SLC41A3: variants seen among roughly 807,000 people sequenced by gnomAD.
The protein encoded by SLC41A3 is solute carrier family 41 member 3, also known as SLC41A1-like 2.
SLC41A3 carries 44 observed loss-of-function variants against 45.4 expected under a neutral mutation model. That is an observed-to-expected ratio of 0.97 (90% CI 0.76 to 1.25). The LOEUF is 1.25. Among genes scored for constraint, SLC41A3 ranks in the 50% most tolerant of loss-of-function variants. The pLI, the probability that SLC41A3 is intolerant of heterozygous loss-of-function variation, is 0.00. For missense variants in SLC41A3, 550 were observed against 600.6 expected (o/e 0.92, Z 0.88); for synonymous variants, 256 against 252.4 (o/e 1.01, Z -0.13).
intron 1 of SLC41A3, among the ~76,000 whole-genome samples, chr3:126,097,712 T>A (rs1945631292): frequency 6.6e-6 from 1 of 152,020 alleles, no homozygotes; most frequent in Admixed American, 6.6e-5. Flanking sequence ...GCATGAAAAA[T>A]AAACTGGCAA....
intron 3 of SLC41A3, among the ~76,000 whole-genome samples, chr3:126,041,405 T>C (rs1942585340): frequency 1.3e-5 from 2 of 152,190 alleles, no homozygotes; most frequent in Non-Finnish European, 2.9e-5. Context: ...AGAGACATCA[T>C]GGTGAAATTC....
chr3:126,066,960 C>T (rs563292214), intron 2 of SLC41A3, among the ~76,000 whole-genome samples: 50 of 152,232 alleles, frequency 3.3e-4, no homozygotes, highest in African/African-American at 1.1e-3. Context: ...ATATGAATTT[C>T]GCCGGCGTAT....
intron 4 of SLC41A3, among the ~76,000 whole-genome samples, chr3:126,030,630 G>T (rs1941729516): frequency 6.6e-6 from 1 of 152,146 alleles, no homozygotes; most frequent in African/African-American, 2.4e-5. Context: ...ATGAATGACA[G>T]ATGTGTGGGT....
chr3:126,032,576 G>A (rs1407438092), intron 4 of SLC41A3, among the ~76,000 whole-genome samples: 1 of 152,178 alleles, frequency 6.6e-6, no homozygotes, highest in Non-Finnish European at 1.5e-5. Context: ...GCCCCTCAGT[G>A]GGCTGATTCC....
intron 1 of SLC41A3, among the ~76,000 whole-genome samples, chr3:126,095,557 A>G (rs1001934315): frequency 7.2e-5 from 11 of 152,240 alleles, no homozygotes; most frequent in Non-Finnish European, 1.3e-4. Context: ...CTTGGCTGGC[A>G]ATAATGCCTG....
chr3:126,043,917 C>T (rs868423522), intron 3 of SLC41A3, among the ~76,000 whole-genome samples: 34 of 150,984 alleles, frequency 2.3e-4, no homozygotes, highest in African/African-American at 7.5e-4. Flanking sequence ...AAAATTGCAA[C>T]GGTAAGTCCT....
At chr3:126,017,445 T>C (rs934875417) in intron 6 of SLC41A3, among the ~76,000 whole-genome samples, 2 of 152,172 alleles carry the variant, frequency 1.3e-5, no homozygotes, top group Non-Finnish European at 2.9e-5. Flanking sequence ...GGGTAGCTAC[T>C]CGTGTCCCCA....
At chr3:126,065,146 T>G (rs1437555610) in intron 2 of SLC41A3, among the ~76,000 whole-genome samples, 4 of 152,200 alleles carry the variant, frequency 2.6e-5, no homozygotes, top group African/African-American at 7.2e-5. Flanking sequence ...GACAGGACTA[T>G]GCTTAGAAGT....
chr3:126,067,091 C>CTG (rs1219282329), intron 2 of SLC41A3, among the ~76,000 whole-genome samples: 4 of 109,324 alleles, frequency 3.7e-5, no homozygotes, highest in Non-Finnish European at 7.7e-5. Flanking sequence ...GTGGGTTGGA[C>CTG]CGCCCCCCCG....
rs140539149 is a variant in SLC41A3, at chr3:126,021,964, G to C, written c.745+822C>G. ...CAAATTCCAGGTACATGAAGATAAT[G>C]GGGGAGGCAGTTAGGAACAAAATAC... is the stretch of plus-strand genomic sequence containing the variant. On this transcript the variant is annotated intron_variant, in intron 6 of 10. Coordinates refer to ENST00000360370, the MANE Select transcript of SLC41A3 (RefSeq NM_017836.4). Among the ~76,000 whole-genome samples, 63 of 152,344 alleles carry C rather than the reference G, an allele frequency of 4.1e-4. No individual in the cohort carries two copies. In the East Asian group the frequency reaches 0.012, roughly 28 times the overall value.
At chr3:126,036,497 C>T (rs143796625) in intron 3 of SLC41A3, among the ~76,000 whole-genome samples, 344 of 152,316 alleles carry the variant, frequency 2.3e-3, no homozygotes, top group African/African-American at 8.0e-3. Context: ...TACAGCTACA[C>T]GCACAGCCCC....
chr3:126,049,507 C>G (rs1271453343), intron 3 of SLC41A3, among the ~76,000 whole-genome samples: 1 of 152,154 alleles, frequency 6.6e-6, no homozygotes, highest in Non-Finnish European at 1.5e-5. Flanking sequence ...CAGTTAAACA[C>G]TATGAAACAA....
In SLC41A3 at chr3:126,007,033, C is replaced by T. The variant is rs1421345598; in HGVS notation, c.1447G>A (p.Ala483Thr). The T allele has an allele frequency of 1.9e-6, 3 of 1,614,156 alleles. No individual in the cohort carries two copies. Among genetic ancestry groups the T allele is most frequent in the Non-Finnish European group, 2.5e-6 (3 of 1,180,012 alleles). Residue 483 changes from alanine to threonine, a missense_variant, in exon 11 of 11, where the codon GCA becomes ACA. Coordinates refer to ENST00000360370, the MANE Select transcript of SLC41A3 (RefSeq NM_017836.4). Reference sequence around the variant, plus strand: ...GGGCCCAGTTAGGGAGGTCCAGATGCCAGTTCTGAGATGCCACCCAGCTCT... The same window carrying T: ...GGGCCCAGTTAGGGAGGTCCAGATGTCAGTTCTGAGATGCCACCCAGCTCT... ...KAELGGISEL[A>T]SGPP
chr3:126,051,971 T>C (rs1447989346), intron 2 of SLC41A3, among the ~76,000 whole-genome samples: 1 of 152,090 alleles, frequency 6.6e-6, no homozygotes, highest in African/African-American at 2.4e-5. Flanking sequence ...CAGTCATCCA[T>C]AAGCTGCCCA....
intron 3 of SLC41A3, among the ~76,000 whole-genome samples, chr3:126,045,473 A>T (rs1942903217): frequency 6.6e-6 from 1 of 152,106 alleles, no homozygotes; most frequent in Non-Finnish European, 1.5e-5. Context: ...CTACAGAAAT[A>T]AAAAGGAATA....
intron 3 of SLC41A3, among the ~76,000 whole-genome samples, chr3:126,038,944 G>C (rs1559843793): frequency 6.6e-6 from 1 of 152,104 alleles, no homozygotes; most frequent in Non-Finnish European, 1.5e-5. Flanking sequence ...ATGGTAATGA[G>C]TGAGTTCTTG....
intron 3 of SLC41A3, among the ~76,000 whole-genome samples, chr3:126,044,554 T>C (rs1045037324): frequency 6.6e-6 from 1 of 152,098 alleles, no homozygotes; most frequent in Non-Finnish European, 1.5e-5. Context: ...CCAAGACAGA[T>C]CGTATATTAG....
rs534274330 is a variant in SLC41A3 at position 126,026,047 on chromosome 3, T to C, written c.598+288A>G. ...CAGGTGTCAGGCCTCAGCACGGGAG[T>C]GTGACCAGCTGAAGAGACCTGCAGA... On this transcript the variant is annotated intron_variant, in intron 5 of 10. Coordinates refer to ENST00000360370, the MANE Select transcript of SLC41A3 (RefSeq NM_017836.4). The surrounding 1 kb of genome is among the most constrained non-coding windows in gnomAD (Gnocchi z 4.2). Among the ~76,000 whole-genome samples the C allele has an allele frequency of 3.3e-5, 5 of 151,916 alleles. No homozygotes were observed. The highest frequency in any genetic ancestry group is 3.3e-4 in the Admixed American group (5 of 15,276).
rs146550002 is a variant in SLC41A3, at chr3:126,025,385, T to A, written c.598+950A>T. ...CAGGTGGGAACTACTGGGTCCCCAC[T>A]CTTGAGGAGCTGACATTTTAGCAGG... On this transcript the variant is annotated intron_variant, in intron 5 of 10. Coordinates refer to ENST00000360370, the MANE Select transcript of SLC41A3 (RefSeq NM_017836.4). 5.8e-3 allele frequency: 882 copies of A among 152,212 alleles called. 5 individuals are homozygous for A. The highest frequency in any genetic ancestry group is 0.01 in the South Asian group (49 of 4,806). 9.4% of individuals were successfully genotyped at this position (152,212 alleles called of 1,614,324 possible).
Sources: allele counts gnomAD v4.1 joint callset (sites outside exome capture counted in the v4.1 genomes callset), GRCh38; gene constraint gnomAD v4.1.1; non-coding constraint Gnocchi (gnomAD v3.1); transcripts MANE v1.5; gene names NCBI Gene and HGNC (gene_info 2026-07-23, HGNC 2026-07-21).